Variants in FAM184B observed in about 807,000 individuals in gnomAD.
FAM184B encodes family with sequence similarity 184 member B, also known as protein FAM184B.
In FAM184B, 111 loss-of-function variants were observed where a neutral mutation model predicts 135.9. The observed-to-expected ratio is 0.82, with a 90% CI of 0.70 to 0.96. The LOEUF is 0.96. Among genes scored for constraint, FAM184B ranks in the 40% least tolerant of loss-of-function variants. The probability of loss-of-function intolerance (pLI) is 0.00; values close to 1 mark genes in which losing one functional copy is unlikely to be tolerated. For missense variants in FAM184B, 1,375 were observed against 1,323.9 expected, an observed-to-expected ratio of 1.04 and a Z score of -0.60; for synonymous variants, 552 against 524.8, an observed-to-expected ratio of 1.05 and a Z score of -0.71.
At chr4:17,779,666 G>T (rs1320967655) in intron 1 of FAM184B, among the ~76,000 whole-genome samples, 2 of 152,132 alleles carry the variant, frequency 1.3e-5, no homozygotes, top group Non-Finnish European at 2.9e-5. Flanking sequence ...AATTCCATAA[G>T]TCCACACTGA....
In FAM184B at chr4:17,759,760, T is replaced by G. The variant is rs1054283331; in HGVS notation, c.141+21399A>C. ...ATCCACCCACCTCAGCCTCCCAAAG[T>G]ACTGGGTTTACAGGTGTGAGCCACC... On this transcript the variant is annotated intron_variant, in intron 1 of 17. Coordinates refer to ENST00000265018, the MANE Select transcript of FAM184B (RefSeq NM_015688.2). Among the ~76,000 whole-genome samples, 4 of 152,274 alleles carry G rather than the reference T, an allele frequency of 2.6e-5. 1 individual carries two copies. The South Asian group carries it at 8.3e-4, about 32-fold the overall frequency.
At position 17,631,884 on chromosome 4, in the gene FAM184B, G is replaced by A. The variant is rs921076051; in HGVS notation, c.*648C>T. On this transcript the variant is annotated 3_prime_UTR_variant, in exon 18 of 18. Transcript: ENST00000265018. ...GAGTTGACTAGCATCCTAAGGACAA[G>A]TACAACCACTTTTGAAATAGATCAT... The A allele has an allele frequency of 6.6e-6, 1 of 152,194 alleles. No homozygotes were observed. The highest frequency in any genetic ancestry group is 2.4e-5 in the African/African-American group (1 of 41,508). 9.4% of individuals were successfully genotyped at this position (152,194 alleles called of 1,614,324 possible).
At chr4:17,776,059 AG>A (rs1718919654) in intron 1 of FAM184B, among the ~76,000 whole-genome samples, 1 of 152,208 alleles carries the variant, frequency 6.6e-6, no homozygotes, top group Admixed American at 6.5e-5. Flanking sequence ...CAAATAAATA[AG>A]GGCTCTGTAG....
chr4:17,633,916 C>T (rs1339240621), intron 16 of FAM184B, 28 bp from the exon 17 acceptor site: 6 of 1,358,674 alleles, frequency 4.4e-6, no homozygotes, highest in Non-Finnish European at 5.8e-6. Context: ...CAGGTTAGTG[C>T]AATGCAATGC....
intron 1 of FAM184B, among the ~76,000 whole-genome samples, chr4:17,762,677 A>G (rs2108993195): frequency 6.6e-6 from 1 of 152,366 alleles, no homozygotes; most frequent in African/African-American, 2.4e-5. Context: ...ATAGAGCGAC[A>G]GGAGTGAGTG....
chr4:17,774,224 C>T (rs984857101), intron 1 of FAM184B, among the ~76,000 whole-genome samples: 6 of 152,080 alleles, frequency 3.9e-5, no homozygotes, highest in Admixed American at 2.6e-4. Flanking sequence ...CAAAAAAAGC[C>T]GGACGTGGCA....
intron 11 of FAM184B, among the ~76,000 whole-genome samples, chr4:17,652,396 T>A (rs1205046496): frequency 1.3e-5 from 2 of 152,110 alleles, no homozygotes; most frequent in Non-Finnish European, 2.9e-5. Flanking sequence ...AGTGCTGGGA[T>A]TACAGGCGTC....
chr4:17,727,754 C>T lies in FAM184B; in HGVS notation c.142-18110G>A, dbSNP rs566905502. Among the ~76,000 whole-genome samples, 8 of 152,286 alleles carry T rather than the reference C, an allele frequency of 5.3e-5. No individual in the cohort carries two copies. In the East Asian group the frequency reaches 9.7e-4, roughly 18 times the overall value. ...TCGAACCACTTCCCACCAAGTCCTT[C>T]CCTTGACATATGGGGATTACAATTC... is the stretch of plus-strand genomic sequence containing the variant. On this transcript the variant is annotated intron_variant, in intron 1 of 17. Coordinates refer to ENST00000265018, the MANE Select transcript of FAM184B (RefSeq NM_015688.2).
At position 17,639,299 on chromosome 4, in the gene FAM184B, T is replaced by G; in HGVS notation, c.2617A>C (p.Ser873Arg). The G allele has an allele frequency of 6.4e-7, 1 of 1,551,740 alleles. No homozygotes were observed. Among genetic ancestry groups the G allele is most frequent in the Non-Finnish European group, 8.7e-7 (1 of 1,147,008 alleles). ...GCCTGGAGCTGGGCCTGGGCACTAC[T>G]GAAATCTGCCACCATGGCCTGCATC... Reference protein sequence around the residue: ...KEMQAMVADFSSAQAQLQARL... With the variant: ...KEMQAMVADFRSAQAQLQARL... Residue 873 changes from serine (S) to arginine (R), a missense_variant, in exon 14 of 18, where the codon AGT (serine) becomes CGT (arginine). Transcript: ENST00000265018.
intron 1 of FAM184B, among the ~76,000 whole-genome samples, chr4:17,778,122 T>C (rs944151287): frequency 2.0e-5 from 3 of 150,038 alleles, no homozygotes; most frequent in African/African-American, 7.3e-5. Context: ...AAAGATAAAC[T>C]AACACCAAGA....
At chr4:17,641,994 A>C (rs1431713175) in intron 13 of FAM184B, 62 bp downstream of exon 13, 1 of 933,400 alleles carries the variant, frequency 1.1e-6, no homozygotes, top group African/African-American at 4.9e-5. Context: ...CAGTAGGGGG[A>C]GGGGGGGTGG....
intron 1 of FAM184B, among the ~76,000 whole-genome samples, chr4:17,723,324 T>G (rs1337506060): frequency 2.6e-5 from 4 of 152,246 alleles, no homozygotes; most frequent in African/African-American, 9.6e-5. Flanking sequence ...AACAGTATGC[T>G]TCAAGTTATA....
chr4:17,648,014 A>G (rs1715514564), intron 11 of FAM184B, among the ~76,000 whole-genome samples: 1 of 152,130 alleles, frequency 6.6e-6, no homozygotes, highest in South Asian at 2.1e-4. Flanking sequence ...GGTATGAATT[A>G]TCCCCCACCC....
In FAM184B at chr4:17,647,752, C is replaced by A; in HGVS notation, c.2231G>T (p.Cys744Phe). The part of the protein sequence containing the change: ...RQELSEQQAA[C>F]SGHQKDLEAL... ...CTCCAAGTCCTTCTGGTGCCCAGAA[C>A]AGGCAGCTTGCTGCTCCGACAGCTC... Residue 744 changes from cysteine to phenylalanine, a missense_variant, in exon 12 of 18, where the codon TGT becomes TTT. Physicochemically the swap from Cys to Phe is radical, Grantham distance 205. Coordinates refer to ENST00000265018, the MANE Select transcript of FAM184B (RefSeq NM_015688.2). 1 of 1,550,900 alleles carries A rather than the reference C, an allele frequency of 6.4e-7. No individual in the cohort carries two copies. The highest frequency in any genetic ancestry group is 1.2e-5 in the South Asian group (1 of 84,038).
chr4:17,756,283 C>T (rs930197768), intron 1 of FAM184B, among the ~76,000 whole-genome samples: 2 of 152,172 alleles, frequency 1.3e-5, no homozygotes, highest in African/African-American at 4.8e-5. Context: ...AAGATTACTG[C>T]AACCACGTCA....
At chr4:17,648,155 G>T (rs977505364) in intron 11 of FAM184B, among the ~76,000 whole-genome samples, 1 of 152,044 alleles carries the variant, frequency 6.6e-6, no homozygotes, top group African/African-American at 2.4e-5. Context: ...CCCCGTGCTT[G>T]CCCTCTACTG....
intron 1 of FAM184B, among the ~76,000 whole-genome samples, chr4:17,744,486 C>G (rs1718114609): frequency 6.9e-6 from 1 of 144,144 alleles, no homozygotes; most frequent in East Asian, 2.0e-4. Flanking sequence ...CACACACACA[C>G]ACACCACACA....
chr4:17,720,600 A>G (rs1717498437), intron 1 of FAM184B, among the ~76,000 whole-genome samples: 1 of 152,140 alleles, frequency 6.6e-6, no homozygotes, highest in Admixed American at 6.5e-5. Context: ...AAAAAATTAA[A>G]CATAGGGCGA....
At position 17,690,782 on chromosome 4, in the gene FAM184B, A is replaced by G. The variant is rs933143424; in HGVS notation, c.1489-2251T>C. Among the ~76,000 whole-genome samples, 7 of 152,110 alleles carry G rather than the reference A, an allele frequency of 4.6e-5. No homozygotes were observed. In the South Asian group the frequency reaches 1.5e-3, roughly 32 times the overall value. ...CAAGTCATTCCAAGGATCTTGTTCAAGGCATAGGTGTGGAGACAAGGGAGG... is the reference window on the plus strand; with the variant it reads ...CAAGTCATTCCAAGGATCTTGTTCAGGGCATAGGTGTGGAGACAAGGGAGG... On this transcript the variant is annotated intron_variant, in intron 6 of 17. Coordinates refer to ENST00000265018, the MANE Select transcript of FAM184B (RefSeq NM_015688.2).
Sources: gnomAD v4.1 joint callset for allele counts (sites outside exome capture counted in the v4.1 genomes callset) on GRCh38, gnomAD v4.1.1 for gene constraint, MANE v1.5 for transcripts, NCBI Gene and HGNC (gene_info 2026-07-23, HGNC 2026-07-21) for gene names.